FOXP2: variants seen among roughly 807,000 people sequenced by gnomAD.
FOXP2 encodes forkhead box P2.
Under a neutral mutation model 115.8 loss-of-function variants are expected in FOXP2, and 12 were observed. That is an observed-to-expected ratio of 0.10 (90% CI 0.07 to 0.17). FOXP2 has a LOEUF of 0.17. FOXP2 is among the 10% of genes least tolerant of loss of function. The pLI is 1.00. For missense variants in FOXP2, 629 were observed against 843.5 expected (o/e 0.75, Z 3.15); for synonymous variants, 328 against 297.7 (o/e 1.10, Z -1.05).
chr7:114,474,109 A>G (rs1796156838), intron 2 of FOXP2, among the ~76,000 whole-genome samples: 1 of 152,188 alleles, frequency 6.6e-6, no homozygotes, highest in South Asian at 2.1e-4. Context: ...TTTCTATTTT[A>G]GAGATTGCAT....
chr7:114,132,385 G>C (rs1350772198), intron 1 of FOXP2, among the ~76,000 whole-genome samples: 1 of 151,818 alleles, frequency 6.6e-6, no homozygotes, highest in African/African-American at 2.4e-5. Flanking sequence ...ATGATTCTAG[G>C]CATTGAAGAT....
intron 3 of FOXP2, among the ~76,000 whole-genome samples, chr7:114,598,109 CT>C (rs1211830538): frequency 2.6e-5 from 4 of 151,956 alleles, no homozygotes; most frequent in East Asian, 1.9e-4. Flanking sequence ...ATAATGTTGA[CT>C]TTTTTTGTAT....
chr7:114,254,593 G>C (rs1238024643), intron 1 of FOXP2, among the ~76,000 whole-genome samples: 6 of 152,172 alleles, frequency 3.9e-5, no homozygotes, highest in Non-Finnish European at 5.9e-5. Context: ...ATCAGCTACT[G>C]AAGCTTGGGC....
intron 2 of FOXP2, among the ~76,000 whole-genome samples, chr7:114,317,886 T>C (rs1379227934): frequency 6.6e-6 from 1 of 152,102 alleles, no homozygotes; most frequent in Admixed American, 6.6e-5. Flanking sequence ...ACACTAAGTA[T>C]GCTCCCACCT....
intron 3 of FOXP2, among the ~76,000 whole-genome samples, chr7:114,567,471 T>C (rs1451636168): frequency 6.6e-6 from 1 of 152,128 alleles, no homozygotes; most frequent in Non-Finnish European, 1.5e-5. Context: ...ACTTACTCTT[T>C]ATTGTTTTAA....
intron 2 of FOXP2, among the ~76,000 whole-genome samples, chr7:114,479,399 TA>T (rs548502112): frequency 5.3e-5 from 8 of 151,512 alleles, no homozygotes; most frequent in Non-Finnish European, 1.0e-4. Context: ...TTGGTCAAGT[TA>T]CTTTGGATCA....
chr7:114,277,165 T>A lies in FOXP2; in HGVS notation c.-101-10854T>A, dbSNP rs552141060. Among the ~76,000 whole-genome samples the A allele has an allele frequency of 6.6e-5, 10 of 152,232 alleles. No individual in the cohort carries two copies. In the South Asian group the frequency reaches 1.9e-3, roughly 28 times the overall value. The stretch of plus-strand genomic sequence containing the variant: ...AGAAGGACTGATATTGGGTGATGAG[T>A]TTAGCAAGGTTGAATCATTGAGAAA... On this transcript the variant is annotated intron_variant, in intron 1 of 17. Coordinates refer to the FOXP2 transcript ENST00000634411.
At chr7:114,382,934 GCAAGTTAGCA>G (rs1321471767) in intron 2 of FOXP2, among the ~76,000 whole-genome samples, 1 of 152,090 alleles carries the variant, frequency 6.6e-6, no homozygotes, top group African/African-American at 2.4e-5. Context: ...CTTCTAGCAC[GCAAGTTAGCA>G]AATGTCTGCG....
intron 1 of FOXP2, among the ~76,000 whole-genome samples, chr7:114,103,243 A>C (rs1231892144): frequency 1.3e-5 from 2 of 152,158 alleles, no homozygotes; most frequent in African/African-American, 2.4e-5. Flanking sequence ...TGGGTAGCCC[A>C]TTGGCCCAGG....
At chr7:114,232,492 G>A (rs1274780046) in intron 1 of FOXP2, among the ~76,000 whole-genome samples, 1 of 152,086 alleles carries the variant, frequency 6.6e-6, no homozygotes, top group African/African-American at 2.4e-5. Context: ...AATGGATAAC[G>A]AAATTATGGT....
chr7:114,461,969 A>G (rs1416887319), intron 2 of FOXP2, among the ~76,000 whole-genome samples: 1 of 152,150 alleles, frequency 6.6e-6, no homozygotes, highest in Non-Finnish European at 1.5e-5. Context: ...CTATTTGTGC[A>G]TGTCAGAATT....
intron 2 of FOXP2, chr7:114,366,564 T>C (rs1055548221): frequency 6.6e-6 from 1 of 152,162 alleles, no homozygotes; most frequent in African/African-American, 2.4e-5. Flanking sequence ...CATCTGGCTT[T>C]AAATAAATCA....
intron 1 of FOXP2, among the ~76,000 whole-genome samples, chr7:114,156,205 G>T (rs1792664735): frequency 6.6e-6 from 1 of 152,022 alleles, no homozygotes; most frequent in East Asian, 1.9e-4. Flanking sequence ...CCTTTTCCTG[G>T]TGCTGTCTGC....
intron 1 of FOXP2, among the ~76,000 whole-genome samples, chr7:114,417,751 A>G (rs576661497): frequency 6.6e-6 from 1 of 152,016 alleles, no homozygotes; most frequent in East Asian, 1.9e-4. Context: ...TGTAAAAATG[A>G]AAAGCAAATA....
intron 1 of FOXP2, among the ~76,000 whole-genome samples, chr7:114,120,686 G>A (rs559480733): frequency 7.5e-4 from 107 of 143,356 alleles, no homozygotes; most frequent in African/African-American, 2.7e-3. Flanking sequence ...GTGTGTGTGT[G>A]TGTGTATATG....
chr7:114,332,726 C>CA (rs1797742196), intron 2 of FOXP2, among the ~76,000 whole-genome samples: 1 of 152,112 alleles, frequency 6.6e-6, no homozygotes, highest in Admixed American at 6.6e-5. Flanking sequence ...TTGTTGCCCC[C>CA]ATTCATTGTT....
chr7:114,514,652 G>A (rs964183969), intron 2 of FOXP2, among the ~76,000 whole-genome samples: 12 of 150,542 alleles, frequency 8.0e-5, no homozygotes, highest in Non-Finnish European at 1.6e-4. Context: ...TGCTGCAATA[G>A]GAGCTCACAT....
At chr7:114,095,594 C>T (rs1799629892) in intron 1 of FOXP2, among the ~76,000 whole-genome samples, 1 of 152,018 alleles carries the variant, frequency 6.6e-6, no homozygotes, top group African/African-American at 2.4e-5. Flanking sequence ...GAGTTGATCA[C>T]ATTAGGATTA....
intron 2 of FOXP2, among the ~76,000 whole-genome samples, chr7:114,429,845 A>G (rs940516338): frequency 6.6e-6 from 1 of 151,662 alleles, no homozygotes; most frequent in African/African-American, 2.4e-5. Flanking sequence ...TTATTTTCAA[A>G]TTGAAATTGA....
Sources: allele counts gnomAD v4.1 joint callset (sites outside exome capture counted in the v4.1 genomes callset), GRCh38; gene constraint gnomAD v4.1.1; transcripts MANE v1.5; gene names NCBI Gene and HGNC (gene_info 2026-07-23, HGNC 2026-07-21).